CNTNAP4: variants seen among roughly 807,000 people sequenced by gnomAD.
The protein encoded by CNTNAP4 is contactin-associated protein-like 4.
CNTNAP4 carries 98 observed loss-of-function variants against 148.4 expected under a neutral mutation model. That is an observed-to-expected ratio of 0.66 (90% confidence interval 0.56 to 0.78). CNTNAP4 has a LOEUF of 0.78. Ranked by LOEUF, CNTNAP4 falls within the 30% of genes least tolerant of loss-of-function variation. CNTNAP4 has a pLI of 0.00. For synonymous variants in CNTNAP4, 730 were observed against 565.1 expected (o/e 1.29, Z -4.14); for missense variants, 1,935 against 1,565.6 (o/e 1.24, Z -3.98).
At chr16:76,451,636 T>TGTGTG (rs1555561325) in intron 7 of CNTNAP4, among the ~76,000 whole-genome samples, 1 of 151,650 alleles carries the variant, frequency 6.6e-6, no homozygotes, top group Non-Finnish European at 1.5e-5. Context: ...TGTGTGTGTA[T>TGTGTG]TTTATCCATA....
At chr16:76,282,629 G>T (rs1274555214) in intron 1 of CNTNAP4, among the ~76,000 whole-genome samples, 3 of 151,810 alleles carry the variant, frequency 2.0e-5, no homozygotes, top group East Asian at 1.9e-4. Context: ...CTGAAAAATA[G>T]ATTTTCATTT....
chr16:76,552,656 G>T (rs1422112316), intron 21 of CNTNAP4, among the ~76,000 whole-genome samples: 2 of 152,110 alleles, frequency 1.3e-5, no homozygotes, highest in Non-Finnish European at 2.9e-5. Context: ...AAAGACATAG[G>T]GGTATAAAGG....
In CNTNAP4 at chr16:76,277,453, A is replaced by G. The variant is rs1337572240; in HGVS notation, c.-210A>G. 1.1e-5 allele frequency: 6 copies of G among 546,670 alleles called. No individual in the cohort carries two copies. The African/African-American group carries it at 1.1e-4, about 10-fold the overall frequency. 33.9% of individuals were successfully genotyped at this position (546,670 alleles called of 1,614,324 possible). A position where few individuals can be genotyped will look rare whatever the true frequency, so the allele number is the denominator to read the frequency against. On this transcript the variant is annotated 5_prime_UTR_variant, in exon 1 of 24. Coordinates refer to ENST00000611870, the MANE Select transcript of CNTNAP4 (RefSeq NM_033401.5). ...TGTGTGAGAGAGAGAGAGAAAAGAG[A>G]GAGACAGAGACGGGGAGAGAGAGAG...
chr16:76,448,657 G>C, intron 5 of CNTNAP4, 110 bp from the exon 6 acceptor site: 1 of 749,732 alleles, frequency 1.3e-6, no homozygotes, highest in African/African-American at 1.8e-5. Context: ...AACGGAATGC[G>C]TAGAAGGAGA....
rs572827064 is a variant in CNTNAP4, at chr16:76,389,192, A to G, written c.390+33681A>G. Among the ~76,000 whole-genome samples the G allele has an allele frequency of 6.6e-5, 10 of 152,312 alleles. No homozygotes were observed. In the East Asian group the frequency reaches 1.9e-3, roughly 29 times the overall value. ...TAGTCCCCAGCATGATGAGCAGAAC[A>G]AGCTTTCTGTATGTGTGCTCAGGCA... On this transcript the variant is annotated intron_variant, in intron 3 of 23. Transcript: ENST00000611870.
In CNTNAP4 at chr16:76,559,721, A is replaced by G. The variant is rs1292487374; in HGVS notation, c.*1038A>G. On this transcript the variant is annotated 3_prime_UTR_variant, in exon 24 of 24. Transcript: ENST00000611870. ...TACTTCACGAATCATCTTATATATT[A>G]CCAAAAAAGAGACAAATTGAAGTAT... 6.6e-6 allele frequency among the ~76,000 whole-genome samples: 1 copy of G among 152,088 alleles called. No individual in the cohort carries two copies. The highest frequency in any genetic ancestry group is 1.5e-5 in the Non-Finnish European group (1 of 68,002).
intron 2 of CNTNAP4, among the ~76,000 whole-genome samples, chr16:76,323,299 C>G (rs1962621564): frequency 6.8e-6 from 1 of 148,104 alleles, no homozygotes; most frequent in African/African-American, 2.5e-5. Flanking sequence ...ATATTTTTAC[C>G]TTTTTTTTTT....
At chr16:76,351,234 C>T (rs2011699245) in intron 2 of CNTNAP4, among the ~76,000 whole-genome samples, 1 of 152,154 alleles carries the variant, frequency 6.6e-6, no homozygotes, top group East Asian at 1.9e-4. Context: ...TCTCTGTTAA[C>T]AAAGTAAATA....
intron 4 of CNTNAP4, among the ~76,000 whole-genome samples, chr16:76,430,202 G>T (rs1295384599): frequency 1.3e-5 from 2 of 152,118 alleles, no homozygotes; most frequent in Non-Finnish European, 2.9e-5. Context: ...AAGTTAATAT[G>T]TGTCAGAGAC....
chr16:76,463,636 A>G (rs942388399), intron 9 of CNTNAP4, among the ~76,000 whole-genome samples: 5 of 152,172 alleles, frequency 3.3e-5, no homozygotes, highest in African/African-American at 9.7e-5. Context: ...AGTTTCCTCT[A>G]TTGTTCACAC....
intron 4 of CNTNAP4, among the ~76,000 whole-genome samples, chr16:76,434,014 T>C (rs1397843807): frequency 6.6e-6 from 1 of 151,268 alleles, no homozygotes; most frequent in East Asian, 1.9e-4. Context: ...AGAACTAATA[T>C]ATATATGTGT....
chr16:76,445,388 G>A (rs2080202053), intron 4 of CNTNAP4, among the ~76,000 whole-genome samples: 1 of 152,118 alleles, frequency 6.6e-6, no homozygotes, highest in Non-Finnish European at 1.5e-5. Context: ...CCATATTTAT[G>A]TTGAATTTTT....
intron 2 of CNTNAP4, among the ~76,000 whole-genome samples, chr16:76,324,543 G>A (rs1962764052): frequency 6.6e-6 from 1 of 152,130 alleles, no homozygotes; most frequent in African/African-American, 2.4e-5. Flanking sequence ...AGAAATCTCA[G>A]GCACAGCATA....
At chr16:76,473,670 A>G (rs2081451311) in intron 10 of CNTNAP4, among the ~76,000 whole-genome samples, 1 of 152,044 alleles carries the variant, frequency 6.6e-6, no homozygotes, top group Non-Finnish European at 1.5e-5. Flanking sequence ...GCTACTCGGG[A>G]GGCTGAGGCA....
intron 3 of CNTNAP4, among the ~76,000 whole-genome samples, chr16:76,417,102 A>G (rs1239428193): frequency 4.0e-5 from 6 of 151,414 alleles, no homozygotes; most frequent in Admixed American, 6.6e-5. Context: ...ACGTTAGTCT[A>G]TATTTAATGT....
intron 3 of CNTNAP4, among the ~76,000 whole-genome samples, chr16:76,410,768 G>A (rs565470156): frequency 9.9e-5 from 15 of 151,710 alleles, no homozygotes; most frequent in African/African-American, 3.6e-4. Context: ...ACATTTCTCT[G>A]TGTGTCCTAA....
At position 76,403,385 on chromosome 16, in the gene CNTNAP4, G is replaced by A. The variant is rs544577284; in HGVS notation, c.391-24067G>A. On this transcript the variant is annotated intron_variant, in intron 3 of 23. Coordinates refer to ENST00000611870, the MANE Select transcript of CNTNAP4 (RefSeq NM_033401.5). ...TGGGATTACAGGCTTGAGCCACTGC[G>A]CCCAGCCGTGAACACTTTTCTAAAG... Among the ~76,000 whole-genome samples, 6 of 152,142 alleles carry A rather than the reference G, an allele frequency of 3.9e-5. No homozygotes were observed. The South Asian group carries it at 6.2e-4, about 16-fold the overall frequency.
At chr16:76,523,648 C>G (rs1353711107) in intron 17 of CNTNAP4, among the ~76,000 whole-genome samples, 1 of 152,116 alleles carries the variant, frequency 6.6e-6, no homozygotes, top group African/African-American at 2.4e-5. Context: ...AGAAATTGTA[C>G]TTCAAGGCCA....
intron 3 of CNTNAP4, among the ~76,000 whole-genome samples, chr16:76,375,918 A>G (rs989256236): frequency 3.9e-5 from 6 of 152,202 alleles, no homozygotes; most frequent in African/African-American, 1.2e-4. Flanking sequence ...ATGCATTCAG[A>G]TGCAGGCTCC....
Sources: allele counts gnomAD v4.1 joint callset (sites outside exome capture counted in the v4.1 genomes callset), GRCh38; gene constraint gnomAD v4.1.1; transcripts MANE v1.5; gene names NCBI Gene and HGNC (gene_info 2026-07-23, HGNC 2026-07-21).